The following FBXO42 variants were observed in gnomAD, a reference collection of about 807,000 sequenced individuals.
The protein encoded by FBXO42 is F-box only protein 42.
Under a neutral mutation model 71.7 loss-of-function variants are expected in FBXO42, and 12 were observed. That is an observed-to-expected ratio of 0.17 (90% CI 0.11 to 0.27). The LOEUF (loss-of-function observed/expected upper bound fraction) is 0.27, where lower values mean the gene tolerates loss of function less well. Among genes scored for constraint, FBXO42 ranks in the 10% least tolerant of loss-of-function variants. FBXO42 has a pLI of 1.00. For missense variants in FBXO42, 707 were observed against 911.9 expected (o/e 0.78, Z 2.89); for synonymous variants, 325 against 327.5 (o/e 0.99, Z 0.08).
intron 4 of FBXO42, among the ~76,000 whole-genome samples, chr1:16,282,786 C>G (rs1262639): frequency 1 from 151,483 of 151,520 alleles, 75,723 homozygotes; most frequent in Middle Eastern, 1. Context: ...TTCGAGACCA[C>G]CCTGGCCAAC....
chr1:16,302,522 T>G (rs1018059638), intron 3 of FBXO42, among the ~76,000 whole-genome samples: 2 of 152,158 alleles, frequency 1.3e-5, no homozygotes, highest in South Asian at 4.1e-4. Flanking sequence ...CCTTTTTTTC[T>G]TTTTTGAAAC....
rs1482487691 is a variant in FBXO42, at chr1:16,246,926, A to G, written c.*3744T>C. 1 of 152,382 alleles carries G rather than the reference A, an allele frequency of 6.6e-6. No individual in the cohort carries two copies. Among genetic ancestry groups the G allele is most frequent in the East Asian group, 1.9e-4 (1 of 5,192 alleles). The allele number at this position is 152,382 out of a possible 1,614,324, so 9.4% of individuals were successfully genotyped here. On this transcript the variant is annotated 3_prime_UTR_variant, in exon 10 of 10. Coordinates refer to ENST00000375592, the MANE Select transcript of FBXO42 (RefSeq NM_018994.3). ...CAAAAAATGAAATTGACAGATTTAA[A>G]TATCAATGAAATCCATGTTTCATTC...
chr1:16,340,674 C>T (rs1569947574), intron 1 of FBXO42, among the ~76,000 whole-genome samples: 3 of 152,172 alleles, frequency 2.0e-5, no homozygotes, highest in East Asian at 3.8e-4. Flanking sequence ...ACTTCTAAAA[C>T]TTAACCTTAT....
intron 4 of FBXO42, among the ~76,000 whole-genome samples, chr1:16,260,728 C>G (rs1046087545): frequency 2.6e-5 from 4 of 152,124 alleles, no homozygotes; most frequent in African/African-American, 9.7e-5. Flanking sequence ...TGAGGTCTCA[C>G]TCTGGCACCC....
intron 4 of FBXO42, among the ~76,000 whole-genome samples, chr1:16,284,248 T>G (rs745555557): frequency 1.2e-4 from 18 of 152,224 alleles, no homozygotes; most frequent in Non-Finnish European, 2.2e-4. Flanking sequence ...GGATTTCCAA[T>G]GGTTTCTGTT....
In FBXO42 at chr1:16,251,839, C is replaced by T; in HGVS notation, c.1039-54G>A. 16 of 1,547,672 alleles carry T rather than the reference C, an allele frequency of 1.0e-5. No individual in the cohort carries two copies. Among genetic ancestry groups the T allele is most frequent in the Non-Finnish European group, 1.4e-5 (16 of 1,146,478 alleles). ...TCTTCTATGATTCTGATTGTTCATT[C>T]AACTGTCAAACATTTTATCATGAGC... On this transcript the variant is annotated intron_variant, in intron 9 of 9. Transcript: ENST00000375592. The surrounding 1 kb of genome is among the most constrained non-coding windows in gnomAD (Gnocchi z 4.5).
intron 4 of FBXO42, among the ~76,000 whole-genome samples, chr1:16,268,229 G>C (rs754243679): frequency 2.0e-5 from 3 of 152,152 alleles, no homozygotes; most frequent in Non-Finnish European, 4.4e-5. Flanking sequence ...AAAAATCCTT[G>C]TCAGCCCTGA....
chr1:16,313,244 T>G, intron 2 of FBXO42, among the ~76,000 whole-genome samples: 1 of 139,404 alleles, frequency 7.2e-6, no homozygotes, highest in Admixed American at 7.7e-5. Context: ...AGTACTAGGG[T>G]AGGGTTCTTC....
At chr1:16,282,220 C>CTT (rs58853820) in intron 4 of FBXO42, among the ~76,000 whole-genome samples, 6 of 136,246 alleles carry the variant, frequency 4.4e-5, no homozygotes, top group Admixed American at 1.4e-4. Context: ...GAGACATTTT[C>CTT]TTTTTTTTTT....
chr1:16,340,421 T>C (rs1337182102), intron 1 of FBXO42, among the ~76,000 whole-genome samples: 2 of 151,992 alleles, frequency 1.3e-5, no homozygotes, highest in Non-Finnish European at 1.5e-5. Flanking sequence ...CCCAGGTTCA[T>C]GCAATTCTCC....
intron 1 of FBXO42, among the ~76,000 whole-genome samples, chr1:16,343,533 C>T (rs1165285041): frequency 1.3e-5 from 2 of 151,996 alleles, no homozygotes; most frequent in Non-Finnish European, 2.9e-5. Flanking sequence ...GTGACAGAGC[C>T]AGACCCTGTG....
intron 1 of FBXO42, among the ~76,000 whole-genome samples, chr1:16,325,574 T>C (rs185218793): frequency 6.6e-6 from 1 of 152,308 alleles, no homozygotes; most frequent in African/African-American, 2.4e-5. Flanking sequence ...TGCTACCCAA[T>C]TAAGATTCCC....
At position 16,315,424 on chromosome 1, in the gene FBXO42, T is replaced by C. The variant is rs775176008; in HGVS notation, c.-6A>G. 6 of 1,613,442 alleles carry C rather than the reference T, an allele frequency of 3.7e-6. No homozygotes were observed. Among genetic ancestry groups the C allele is most frequent in the Non-Finnish European group, 5.1e-6 (6 of 1,179,688 alleles). ...CTGTCCGAGGAGCTGGCCATGACAT[T>C]CCACTCAACAGCTGTAATAGGTAAA... On this transcript the variant is annotated 5_prime_UTR_variant, in exon 2 of 10. Coordinates refer to ENST00000375592, the MANE Select transcript of FBXO42 (RefSeq NM_018994.3).
intron 2 of FBXO42, among the ~76,000 whole-genome samples, chr1:16,308,390 G>C (rs1175119327): frequency 6.6e-6 from 1 of 152,180 alleles, no homozygotes; most frequent in African/African-American, 2.4e-5. Flanking sequence ...AAGCAAGGCA[G>C]GAGGATCGCT....
At chr1:16,267,387 C>A (rs1015443252) in intron 4 of FBXO42, among the ~76,000 whole-genome samples, 42 of 152,196 alleles carry the variant, frequency 2.8e-4, no homozygotes, top group African/African-American at 1.0e-3. Context: ...TCTTTAATTG[C>A]AGTTCTAATC....
chr1:16,280,379 T>C (rs890797003), intron 4 of FBXO42, among the ~76,000 whole-genome samples: 3 of 152,296 alleles, frequency 2.0e-5, no homozygotes, highest in South Asian at 2.1e-4. Flanking sequence ...CTAAATGTAA[T>C]GTATCAAGGA....
intron 1 of FBXO42, among the ~76,000 whole-genome samples, chr1:16,330,993 T>A (rs1334254821): frequency 6.7e-6 from 1 of 150,302 alleles, no homozygotes; most frequent in Non-Finnish European, 1.5e-5. Flanking sequence ...TGGTGGCGCG[T>A]GCCTGTAGTC....
At chr1:16,281,213 C>T (rs1261760300) in intron 4 of FBXO42, among the ~76,000 whole-genome samples, 2 of 152,164 alleles carry the variant, frequency 1.3e-5, no homozygotes, top group South Asian at 2.1e-4. Flanking sequence ...CCGCCCGCCT[C>T]GGCCTCCCAA....
chr1:16,339,976 T>C (rs2100630060), intron 1 of FBXO42, among the ~76,000 whole-genome samples: 1 of 151,760 alleles, frequency 6.6e-6, no homozygotes, highest in African/African-American at 2.4e-5. Context: ...AAAAGTAAAT[T>C]ACCATCCTGG....
Sources: allele counts gnomAD v4.1 joint callset (sites outside exome capture counted in the v4.1 genomes callset), GRCh38; gene constraint gnomAD v4.1.1; non-coding constraint Gnocchi (gnomAD v3.1); transcripts MANE v1.5; gene names NCBI Gene and HGNC (gene_info 2026-07-23, HGNC 2026-07-21).